Variants in PRELID2 observed in about 807,000 individuals in gnomAD.
The protein encoded by PRELID2 is PRELI domain containing 2.
A neutral mutation model predicts 28.4 loss-of-function variants in PRELID2; 25 were observed. The ratio of observed to expected loss-of-function variants is 0.88; its 90% CI spans 0.64 to 1.23. The LOEUF (loss-of-function observed/expected upper bound fraction) is 1.23, where lower values mean the gene tolerates loss of function less well. Among genes scored for constraint, PRELID2 ranks in the 50% most tolerant of loss-of-function variants. PRELID2 has a pLI of 0.00. For synonymous variants in PRELID2, 76 were observed against 71.6 expected, an observed-to-expected ratio of 1.06 and a Z score of -0.31; for missense variants, 201 against 214.4, an observed-to-expected ratio of 0.94 and a Z score of 0.39.
chr5:145,677,446 T>C (rs1391656534), intron 1 of PRELID2, among the ~76,000 whole-genome samples: 2 of 152,096 alleles, frequency 1.3e-5, no homozygotes, highest in African/African-American at 2.4e-5. Context: ...TGAGCCACCA[T>C]GCCTGGCTGA....
chr5:145,770,917 GTTATT>G (rs1366779398), intron 5 of PRELID2, among the ~76,000 whole-genome samples: 2 of 151,894 alleles, frequency 1.3e-5, no homozygotes, highest in Non-Finnish European at 2.9e-5. Context: ...GCAACCTAAG[GTTATT>G]TTGTTATTGA....
At chr5:145,646,944 G>C (rs1340993669) in intron 1 of PRELID2, among the ~76,000 whole-genome samples, 1 of 152,040 alleles carries the variant, frequency 6.6e-6, no homozygotes, top group Non-Finnish European at 1.5e-5. Flanking sequence ...CCTGTATGAG[G>C]TGTCTGTCAG....
chr5:145,316,703 A>G, the PRELID2 span, among the ~76,000 whole-genome samples: 2 of 152,244 alleles, frequency 1.3e-5, no homozygotes, highest in African/African-American at 4.8e-5. Flanking sequence ...AGAGCAGGGT[A>G]CATTTCTACT....
chr5:145,821,011 G>A (rs938621255), intron 2 of PRELID2, among the ~76,000 whole-genome samples: 3 of 152,070 alleles, frequency 2.0e-5, no homozygotes, highest in South Asian at 4.1e-4. Context: ...ATCTTATCAG[G>A]AAGCTGCTGA....
At chr5:145,289,924 T>G in the PRELID2 span, among the ~76,000 whole-genome samples, 1 of 152,198 alleles carries the variant, frequency 6.6e-6, no homozygotes, top group African/African-American at 2.4e-5. Context: ...TTTGCCAGAC[T>G]TTTTGCCATT....
At chr5:145,395,634 C>T in the PRELID2 span, among the ~76,000 whole-genome samples, 84 of 152,188 alleles carry the variant, frequency 5.5e-4, 1 homozygote, top group East Asian at 0.011. Flanking sequence ...AGGACGAACA[C>T]GTTTGGAAGT....
At chr5:145,566,839 CA>C (rs537384269) in intron 1 of PRELID2, among the ~76,000 whole-genome samples, 3,648 of 58,112 alleles carry the variant, frequency 0.063, 39 homozygotes, top group African/African-American at 0.087. Context: ...GACTCCATCT[CA>C]AAAAAAAAAA....
chr5:145,705,407 T>C (rs985017471), intron 1 of PRELID2, among the ~76,000 whole-genome samples: 16 of 152,058 alleles, frequency 1.1e-4, no homozygotes, highest in African/African-American at 3.4e-4. Flanking sequence ...TTTGACCATA[T>C]TGGCCAGGCT....
intron 1 of PRELID2, among the ~76,000 whole-genome samples, chr5:145,596,395 A>T (rs889836822): frequency 6.6e-6 from 1 of 152,134 alleles, no homozygotes; most frequent in Non-Finnish European, 1.5e-5. Context: ...TATCCTGGAA[A>T]TGAGGTCTCA....
At chr5:145,465,421 T>C in the PRELID2 span, among the ~76,000 whole-genome samples, 8 of 152,198 alleles carry the variant, frequency 5.3e-5, no homozygotes, top group African/African-American at 1.9e-4. Context: ...AATTCCATTG[T>C]GTGATATTAT....
At chr5:145,229,176 G>A in the PRELID2 span, 20 of 917,282 alleles carry the variant, frequency 2.2e-5, no homozygotes, top group Middle Eastern at 2.5e-3. Context: ...CACAAGAAAG[G>A]GGAACGATCA....
chr5:145,258,936 C>A, the PRELID2 span, among the ~76,000 whole-genome samples: 2 of 152,146 alleles, frequency 1.3e-5, no homozygotes, highest in Non-Finnish European at 2.9e-5. Flanking sequence ...AGGCCCAGGG[C>A]CCTGCCACCC....
the PRELID2 span, among the ~76,000 whole-genome samples, chr5:145,351,599 C>T: frequency 6.6e-6 from 1 of 152,034 alleles, no homozygotes. Context: ...ACCCTTTTCC[C>T]CTCCTAAATC....
intron 1 of PRELID2, among the ~76,000 whole-genome samples, chr5:145,577,401 A>G (rs1256343578): frequency 6.6e-6 from 1 of 152,132 alleles, no homozygotes; most frequent in East Asian, 1.9e-4. Flanking sequence ...AATTTAACAG[A>G]GAGATTAAAG....
intron 1 of PRELID2, among the ~76,000 whole-genome samples, chr5:145,529,845 G>A (rs1752640452): frequency 6.6e-6 from 1 of 152,182 alleles, no homozygotes; most frequent in Non-Finnish European, 1.5e-5. Flanking sequence ...TCTGAGAAAT[G>A]TCTGATCCCT....
intron 1 of PRELID2, among the ~76,000 whole-genome samples, chr5:145,516,168 G>A (rs777436177): frequency 1.3e-5 from 2 of 152,088 alleles, no homozygotes; most frequent in African/African-American, 4.8e-5. Context: ...AAGAAATAAA[G>A]GTTATTCAAA....
intron 1 of PRELID2, among the ~76,000 whole-genome samples, chr5:145,833,648 T>C (rs1484658282): frequency 6.6e-6 from 1 of 152,228 alleles, no homozygotes; most frequent in Admixed American, 6.5e-5. Flanking sequence ...AACAAAGTGT[T>C]AACCAGTGTC....
chr5:145,589,350 T>C (rs1042577429), intron 1 of PRELID2, among the ~76,000 whole-genome samples: 9 of 152,172 alleles, frequency 5.9e-5, no homozygotes, highest in African/African-American at 2.2e-4. Flanking sequence ...ATTTTAATTT[T>C]AATACTTTTG....
chr5:145,425,020 A>C, the PRELID2 span, among the ~76,000 whole-genome samples: 1 of 152,138 alleles, frequency 6.6e-6, no homozygotes, highest in Non-Finnish European at 1.5e-5. Flanking sequence ...CTATCCATTT[A>C]ACAAAAATCT....
Sources: allele counts gnomAD v4.1 joint callset (sites outside exome capture counted in the v4.1 genomes callset), GRCh38; gene constraint gnomAD v4.1.1; transcripts MANE v1.5; gene names NCBI Gene and HGNC (gene_info 2026-07-23, HGNC 2026-07-21).